The following VPS13B variants were observed in gnomAD, a reference collection of about 807,000 sequenced individuals.
VPS13B encodes the protein vacuolar protein sorting 13 homolog B.
A neutral mutation model predicts 426.4 loss-of-function variants in VPS13B; 285 were observed. The ratio of observed to expected loss-of-function variants is 0.67; its 90% CI spans 0.61 to 0.74. VPS13B has a LOEUF of 0.74. Among genes scored for constraint, VPS13B ranks in the 30% least tolerant of loss-of-function variants. The pLI, the probability that VPS13B is intolerant of heterozygous loss-of-function variation, is 0.00. For synonymous variants in VPS13B, 1,676 were observed against 1,676.4 expected (o/e 1.00, Z 0.01); for missense variants, 4,537 against 4,782.6 (o/e 0.95, Z 1.51).
intron 43 of VPS13B, among the ~76,000 whole-genome samples, chr8:99,793,861 T>C (rs1812681355): frequency 6.6e-6 from 1 of 152,164 alleles, no homozygotes; most frequent in African/African-American, 2.4e-5. Context: ...GCATGAAGAG[T>C]GGACAGTTTC....
chr8:99,400,829 C>T (rs927395599), intron 21 of VPS13B, among the ~76,000 whole-genome samples: 7 of 152,110 alleles, frequency 4.6e-5, no homozygotes, highest in African/African-American at 1.2e-4. Flanking sequence ...CACCACCACA[C>T]GTGGCTACTT....
At chr8:99,087,358 C>T (rs2132398986) in intron 3 of VPS13B, among the ~76,000 whole-genome samples, 1 of 152,240 alleles carries the variant, frequency 6.6e-6, no homozygotes, top group South Asian at 2.1e-4. Flanking sequence ...CGTCTGTCAC[C>T]CCTTTCTTTG....
chr8:99,649,538 C>A (rs1829720835), intron 34 of VPS13B, among the ~76,000 whole-genome samples: 1 of 151,648 alleles, frequency 6.6e-6, no homozygotes, highest in African/African-American at 2.4e-5. Context: ...GGTGTGTTTA[C>A]CTTTACCTCA....
At chr8:99,493,162 G>A (rs1820706012) in intron 25 of VPS13B, among the ~76,000 whole-genome samples, 1 of 152,086 alleles carries the variant, frequency 6.6e-6, no homozygotes, top group African/African-American at 2.4e-5. Flanking sequence ...TAATTGTTTA[G>A]GATTTTGGTA....
chr8:99,517,031 T>G (rs1822121756), intron 29 of VPS13B, among the ~76,000 whole-genome samples: 1 of 152,162 alleles, frequency 6.6e-6, no homozygotes, highest in African/African-American at 2.4e-5. Context: ...ATTGAAACGT[T>G]TGTCTTCAAC....
rs1455769190 is a variant in VPS13B at position 99,803,669 on chromosome 8, G to A, written c.7942-5706G>A. On this transcript the variant is annotated intron_variant, in intron 43 of 61. Coordinates refer to ENST00000357162, the MANE Select transcript of VPS13B (RefSeq NM_152564.5). ...TAGAAATTTTTCTACTTAGTTTTTG[G>A]CATTATTTCAGATAACGTTGAACAT... Among the ~76,000 whole-genome samples the A allele has an allele frequency of 2.6e-5, 4 of 152,044 alleles. No homozygotes were observed. In the East Asian group the frequency reaches 7.7e-4, roughly 29 times the overall value.
chr8:99,568,375 C>G (rs1176366480), intron 31 of VPS13B, among the ~76,000 whole-genome samples: 2 of 151,724 alleles, frequency 1.3e-5, no homozygotes, highest in Non-Finnish European at 2.9e-5. Flanking sequence ...ACTGCAGCCT[C>G]TGCCTCCCGG....
At chr8:99,539,865 C>G (rs1823464100) in intron 30 of VPS13B, among the ~76,000 whole-genome samples, 2 of 147,404 alleles carry the variant, frequency 1.4e-5, no homozygotes, top group Admixed American at 6.8e-5. Context: ...TTTTTTGTAC[C>G]ATAAAACAGA....
intron 33 of VPS13B, among the ~76,000 whole-genome samples, chr8:99,593,648 G>A (rs1262054260): frequency 1.3e-5 from 2 of 151,840 alleles, no homozygotes; most frequent in Non-Finnish European, 2.9e-5. Flanking sequence ...CAAAGACATG[G>A]AATCAACCTA....
In VPS13B at chr8:99,529,166, A is replaced by G. The variant is rs192318353; in HGVS notation, c.4745+8156A>G. 9.4e-4 allele frequency among the ~76,000 whole-genome samples: 143 copies of G among 152,270 alleles called. 1 individual carries two copies. The highest frequency in any genetic ancestry group is 2.9e-3 in the African/African-American group (120 of 41,548). On this transcript the variant is annotated intron_variant, in intron 30 of 61. Coordinates refer to ENST00000357162, the MANE Select transcript of VPS13B (RefSeq NM_152564.5). ...AAAAATCAACACCAAAGTGTATGCA[A>G]TACTCCTCCTTACCAGGGCTTATTC...
chr8:99,330,285 A>G (rs748367226), intron 19 of VPS13B, among the ~76,000 whole-genome samples: 9 of 151,786 alleles, frequency 5.9e-5, no homozygotes, highest in African/African-American at 1.2e-4. Flanking sequence ...CCTCATTGCT[A>G]TTATATTATG....
intron 25 of VPS13B, among the ~76,000 whole-genome samples, chr8:99,501,081 A>AT (rs1314280159): frequency 2.6e-5 from 4 of 152,204 alleles, no homozygotes; most frequent in Non-Finnish European, 5.9e-5. Flanking sequence ...AAATCTACTA[A>AT]TTTTTAATGT....
In VPS13B at chr8:99,619,056, C is replaced by T. The variant is rs544163796; in HGVS notation, c.5221-22755C>T. Among the ~76,000 whole-genome samples the T allele has an allele frequency of 6.5e-4, 99 of 152,276 alleles. 1 individual carries two copies. In the South Asian group the frequency reaches 1.0e-2, roughly 15 times the overall value. ...TTCCTATGTACATGTCTGCACTTCA[C>T]GGTGGCCAAGTTGTTTCCCAAAGCT... On this transcript the variant is annotated intron_variant, in intron 33 of 61. Transcript: ENST00000357162.
intron 61 of VPS13B, 76 bp downstream of exon 61, chr8:99,871,773 G>A: frequency 6.2e-7 from 1 of 1,606,516 alleles, no homozygotes; most frequent in Non-Finnish European, 8.5e-7. Context: ...CTGGTACCTA[G>A]GCATTTCTGA....
rs532112596 is a variant in VPS13B at position 99,379,140 on chromosome 8, A to G, written c.2825-5068A>G. 9.8e-5 allele frequency among the ~76,000 whole-genome samples: 15 copies of G among 152,310 alleles called. No individual in the cohort carries two copies. In the East Asian group the frequency reaches 2.5e-3, roughly 25 times the overall value. ...CTAGATTGTGCATGCTTTTATGAGA[A>G]TTGAATTAATGCCTGATCATCTGAG... On this transcript the variant is annotated intron_variant, in intron 19 of 61. Coordinates refer to ENST00000357162, the MANE Select transcript of VPS13B (RefSeq NM_152564.5).
At chr8:99,722,876 C>T (rs530134620) in intron 39 of VPS13B, among the ~76,000 whole-genome samples, 23 of 152,200 alleles carry the variant, frequency 1.5e-4, no homozygotes, top group East Asian at 1.3e-3. Context: ...CATGAAAATA[C>T]GCATACATTA....
At chr8:99,090,208 T>C (rs1408796293) in intron 3 of VPS13B, among the ~76,000 whole-genome samples, 1 of 152,022 alleles carries the variant, frequency 6.6e-6, no homozygotes, top group East Asian at 1.9e-4. Flanking sequence ...ACTTTTCTTA[T>C]CCTTGAAATA....
At chr8:99,362,523 C>T (rs1378485148) in intron 19 of VPS13B, among the ~76,000 whole-genome samples, 2 of 151,936 alleles carry the variant, frequency 1.3e-5, no homozygotes, top group African/African-American at 4.8e-5. Context: ...TAATTGAGGG[C>T]AGATTCAATA....
chr8:99,635,185 A>AG (rs1291606169), intron 33 of VPS13B, among the ~76,000 whole-genome samples: 1 of 151,932 alleles, frequency 6.6e-6, no homozygotes, highest in Admixed American at 6.6e-5. Context: ...AAATACTGTA[A>AG]CTTTTTTTAC....
Sources: gnomAD v4.1 joint callset for allele counts (sites outside exome capture counted in the v4.1 genomes callset) on GRCh38, gnomAD v4.1.1 for gene constraint, MANE v1.5 for transcripts, NCBI Gene and HGNC (gene_info 2026-07-23, HGNC 2026-07-21) for gene names.